Variants in DHX40 observed in about 807,000 individuals in gnomAD.
DHX40 encodes probable ATP-dependent RNA helicase DHX40.
DHX40 carries 28 observed loss-of-function variants against 89.6 expected under a neutral mutation model. The ratio of observed to expected loss-of-function variants is 0.31; its 90% CI spans 0.23 to 0.43. DHX40 has a LOEUF of 0.43. Among genes scored for constraint, DHX40 ranks in the 20% least tolerant of loss-of-function variants. The pLI, the probability that DHX40 is intolerant of heterozygous loss-of-function variation, is 1.00. For missense variants in DHX40, 457 were observed against 844.0 expected, an observed-to-expected ratio of 0.54 and a Z score of 5.68; for synonymous variants, 226 against 283.6, an observed-to-expected ratio of 0.80 and a Z score of 2.04.
At chr17:59,601,337 ATCT>A (rs1567898443) in intron 14 of DHX40, among the ~76,000 whole-genome samples, 4 of 151,920 alleles carry the variant, frequency 2.6e-5, no homozygotes, top group Non-Finnish European at 5.9e-5. Flanking sequence ...CCTACCCATT[ATCT>A]TCTTTCTCCA....
At position 59,573,999 on chromosome 17, in the gene DHX40, T is replaced by A. The variant is rs147595637; in HGVS notation, c.774+32T>A. 0.016 allele frequency: 19,041 copies of A among 1,196,266 alleles called. 2,997 individuals are homozygous for A. In the East Asian group the frequency reaches 0.37, roughly 24 times the overall value. The allele number at this position is 1,196,266 out of a possible 1,614,324, so 74.1% of individuals were successfully genotyped here. A position where few individuals can be genotyped will look rare whatever the true frequency, so the allele number is the denominator to read the frequency against. Reference sequence around the variant, plus strand: ...CTTGGCATTCATTTAATGTCTTTTTTAAATATCTATGATTCTTACTAATTG... The same window carrying A: ...CTTGGCATTCATTTAATGTCTTTTTAAAATATCTATGATTCTTACTAATTG... On this transcript the variant is annotated intron_variant, in intron 5 of 17. Transcript: ENST00000251241.
chr17:59,573,344 T>C, intron 4 of DHX40, 109 bp downstream of exon 4: 6 of 945,026 alleles, frequency 6.3e-6, no homozygotes, highest in Non-Finnish European at 9.2e-6. Flanking sequence ...AATTTAATTT[T>C]TTAGAGATGG....
chr17:59,573,706 CT>C (rs746222337), intron 4 of DHX40, 33 bp from the exon 5 acceptor site: 1 of 1,608,298 alleles, frequency 6.2e-7, no homozygotes, highest in African/African-American at 1.3e-5. Flanking sequence ...GTTAAGTGTA[CT>C]TGTGACTTAC....
In DHX40 at chr17:59,607,461, G is replaced by C; in HGVS notation, c.*289G>C. 1 of 590,076 alleles carries C rather than the reference G, an allele frequency of 1.7e-6. No homozygotes were observed. The highest frequency in any genetic ancestry group is 2.8e-5 in the East Asian group (1 of 36,270). 36.6% of individuals were successfully genotyped at this position (590,076 alleles called of 1,614,324 possible). ...AGTACAATTTTGCTGGCCTTAACTG[G>C]TATCAAACGCTGTCATTGAGATGTT... On this transcript the variant is annotated 3_prime_UTR_variant, in exon 18 of 18. Coordinates refer to ENST00000251241, the MANE Select transcript of DHX40 (RefSeq NM_024612.5).
At chr17:59,600,390 T>A (rs1490371215) in intron 14 of DHX40, among the ~76,000 whole-genome samples, 1 of 152,024 alleles carries the variant, frequency 6.6e-6, no homozygotes, top group East Asian at 1.9e-4. Context: ...GAACTTATCA[T>A]TGACATTGAA....
At chr17:59,596,719 T>A (rs2030106738) in intron 12 of DHX40, among the ~76,000 whole-genome samples, 1 of 152,224 alleles carries the variant, frequency 6.6e-6, no homozygotes, top group Non-Finnish European at 1.5e-5. Flanking sequence ...CTCTAGCTGC[T>A]TCATTCAGTT....
chr17:59,571,148 T>G (rs1052081036), intron 3 of DHX40, among the ~76,000 whole-genome samples: 2 of 152,150 alleles, frequency 1.3e-5, no homozygotes, highest in Non-Finnish European at 2.9e-5. Flanking sequence ...TGGTATACAA[T>G]TCAGTGCCAT....
At chr17:59,566,362 A>G (rs1384964753) in intron 1 of DHX40, among the ~76,000 whole-genome samples, 1 of 152,214 alleles carries the variant, frequency 6.6e-6, no homozygotes, top group African/African-American at 2.4e-5. Context: ...GCCTTGAGCT[A>G]TACTTGCTTT....
chr17:59,572,236 A>G (rs976159415), intron 3 of DHX40, among the ~76,000 whole-genome samples: 2 of 152,236 alleles, frequency 1.3e-5, no homozygotes, highest in African/African-American at 2.4e-5. Flanking sequence ...CAAATGTGGC[A>G]CAAGATGACT....
At chr17:59,595,141 T>C (rs2960215) in intron 12 of DHX40, among the ~76,000 whole-genome samples, 229 of 152,038 alleles carry the variant, frequency 1.5e-3, no homozygotes, top group Middle Eastern at 3.4e-3. Context: ...TGGAGTGCAG[T>C]GGCACAATCT....
rs541255254 is a variant in DHX40, at chr17:59,586,319, A to T, written c.1424+86A>T. ...TCTAAATACCTTTCTCTAACAGTAG[A>T]AAATAATTTCTTTAAATTGAATGGA... is the stretch of plus-strand genomic sequence containing the variant. On this transcript the variant is annotated intron_variant, in intron 11 of 17. Transcript: ENST00000251241. The T allele has an allele frequency of 1.9e-4, 207 of 1,110,452 alleles. No homozygotes were observed. In the African/African-American group the frequency reaches 2.2e-3, roughly 12 times the overall value. 68.8% of individuals were successfully genotyped at this position (1,110,452 alleles called of 1,614,324 possible). A position where few individuals can be genotyped will look rare whatever the true frequency, so the allele number is the denominator to read the frequency against.
chr17:59,570,152 TAATAC>T (rs1015748770), intron 2 of DHX40, among the ~76,000 whole-genome samples: 2 of 129,144 alleles, frequency 1.5e-5, no homozygotes, highest in African/African-American at 3.0e-5. Flanking sequence ...ATAAATTATA[TAATAC>T]ATATAATATG....
intron 14 of DHX40, 70 bp from the exon 15 acceptor site, chr17:59,602,452 T>C (rs1416106316): frequency 7.2e-7 from 1 of 1,380,942 alleles, no homozygotes; most frequent in African/African-American, 1.4e-5. Context: ...GAAATGTGGA[T>C]TTTTCAAAAT....
intron 11 of DHX40, among the ~76,000 whole-genome samples, chr17:59,587,218 C>G (rs1054008903): frequency 1.7e-5 from 2 of 120,488 alleles, no homozygotes; most frequent in African/African-American, 9.1e-5. Context: ...TCTTCAAAGA[C>G]ATCTTCTTTT....
In DHX40 at chr17:59,579,514, C is replaced by A; in HGVS notation, c.1116C>A (p.Asn372Lys). 3 of 1,432,052 alleles carry A rather than the reference C, an allele frequency of 2.1e-6. 1 individual carries two copies. The highest frequency in any genetic ancestry group is 2.7e-6 in the Non-Finnish European group (3 of 1,114,568). 88.7% of individuals were successfully genotyped at this position (1,432,052 alleles called of 1,614,324 possible). A position where few individuals can be genotyped will look rare whatever the true frequency, so the allele number is the denominator to read the frequency against. ...DGGFVKQLNHNPRLGLDILEV... is the reference protein window; with the variant it reads ...DGGFVKQLNHKPRLGLDILEV... ...GCTTCGTGAAGCAGTTAAATCACAA[C>A]CCCAGATTAGGGTTGGACATCCTGG... The change falls in exon 9 of 18, where the codon AAC becomes AAA. Residue 372 changes from asparagine (N) to lysine (K), a missense_variant. Asn to Lys is a moderately conservative substitution (Grantham distance 94). Around this residue, in one of 9 missense-constraint regions of DHX40, gnomAD observed 19 missense variants for 110.3 expected, o/e 0.17. Transcript: ENST00000251241.
At chr17:59,606,202 G>A (rs1415684274) in intron 17 of DHX40, among the ~76,000 whole-genome samples, 2 of 151,450 alleles carry the variant, frequency 1.3e-5, no homozygotes, top group South Asian at 2.1e-4. Context: ...GCACCACCAC[G>A]CCTGGCTAAG....
intron 12 of DHX40, among the ~76,000 whole-genome samples, chr17:59,591,471 C>T (rs1049694803): frequency 6.6e-6 from 1 of 151,514 alleles, no homozygotes; most frequent in African/African-American, 2.4e-5. Context: ...ATTTGTAAAA[C>T]CAAGAAGTTG....
In DHX40 at chr17:59,590,766, A is replaced by T. The variant is rs200579818; in HGVS notation, c.1582+2713A>T. On this transcript the variant is annotated intron_variant, in intron 12 of 17. Transcript: ENST00000251241. ...ATTACAGGCCTGAGCCATTGCACCC[A>T]GCAGTTGCAGTCTGAAATGTCAGAA... 5.9e-5 allele frequency among the ~76,000 whole-genome samples: 9 copies of T among 151,994 alleles called. No individual in the cohort carries two copies. In the East Asian group the frequency reaches 1.5e-3, roughly 26 times the overall value.
intron 12 of DHX40, among the ~76,000 whole-genome samples, chr17:59,595,934 G>A (rs2030028004): frequency 1.3e-5 from 2 of 151,442 alleles, no homozygotes. Flanking sequence ...CTTCCTCGGG[G>A]AATTGGGTTT....
Sources: gnomAD v4.1 joint callset for allele counts (sites outside exome capture counted in the v4.1 genomes callset) on GRCh38, gnomAD v4.1.1 for gene constraint, gnomAD v4.1.1 regional missense constraint, MANE v1.5 for transcripts, NCBI Gene and HGNC (gene_info 2026-07-23, HGNC 2026-07-21) for gene names.